Variants in OR1F1 observed in about 807,000 individuals in gnomAD.
OR1F1 encodes the protein olfactory receptor 1F1.
For missense variants in OR1F1, 493 were observed against 376.3 expected (o/e 1.31, Z -2.57); for synonymous variants, 184 against 156.7 (o/e 1.17, Z -1.30).
chr16:3,190,146 A>C, the OR1F1 span, among the ~76,000 whole-genome samples: 1 of 152,128 alleles, frequency 6.6e-6, no homozygotes, highest in Non-Finnish European at 1.5e-5. Context: ...GCACTCGAGC[A>C]GTGGAGATAG....
chr16:3,203,796 C>T (rs183848018), upstream of OR1F1, among the ~76,000 whole-genome samples: 92 of 152,316 alleles, frequency 6.0e-4, no homozygotes, highest in Non-Finnish European at 1.0e-3. Context: ...ATCAGTGGGA[C>T]TTCACTGATA....
chr16:3,193,987 G>T, the OR1F1 span, among the ~76,000 whole-genome samples: 1 of 152,038 alleles, frequency 6.6e-6, no homozygotes. Context: ...TTCCACCTGG[G>T]GTAAGACAAC....
At chr16:3,192,929 GT>G in the OR1F1 span, among the ~76,000 whole-genome samples, 44 of 152,094 alleles carry the variant, frequency 2.9e-4, no homozygotes, top group Non-Finnish European at 5.0e-4. Flanking sequence ...AAAAAAAAGA[GT>G]TTTTAAAAAT....
upstream of OR1F1, among the ~76,000 whole-genome samples, chr16:3,200,563 G>A (rs189617784): frequency 2.0e-5 from 3 of 152,262 alleles, no homozygotes; most frequent in East Asian, 5.8e-4. Flanking sequence ...GCGCCACTGC[G>A]CTCTAGCCTG....
the OR1F1 span, chr16:3,188,431 G>A: frequency 1.3e-5 from 2 of 152,258 alleles, no homozygotes; most frequent in Middle Eastern, 3.2e-3. Context: ...GTCGCTACAG[G>A]GGCATAAATT....
the OR1F1 span, among the ~76,000 whole-genome samples, chr16:3,188,785 G>A: frequency 5.9e-5 from 9 of 152,240 alleles, no homozygotes; most frequent in South Asian, 2.1e-4. Flanking sequence ...GGGAAGGGCA[G>A]AGTGACAGTA....
chr16:3,199,115 C>CAAAAAAAAAA, the OR1F1 span, among the ~76,000 whole-genome samples: 8 of 52,574 alleles, frequency 1.5e-4, no homozygotes, highest in Non-Finnish European at 2.5e-4. Flanking sequence ...CCTGTCTCTA[C>CAAAAAAAAAA]AAAAAAAAAA....
chr16:3,194,884 A>G, the OR1F1 span, among the ~76,000 whole-genome samples: 27 of 152,150 alleles, frequency 1.8e-4, no homozygotes, highest in African/African-American at 6.5e-4. Flanking sequence ...CGGCCTCCCA[A>G]AATGCTGGGA....
At chr16:3,203,485 G>A (rs1200910192), upstream of OR1F1, among the ~76,000 whole-genome samples, 1 of 152,260 alleles carries the variant, frequency 6.6e-6, no homozygotes, top group Admixed American at 6.5e-5. Context: ...CAGATCATTG[G>A]CCAGGTGTGG....
chr16:3,203,618 G>A (rs1048516623), upstream of OR1F1, among the ~76,000 whole-genome samples: 2 of 152,170 alleles, frequency 1.3e-5, no homozygotes, highest in Non-Finnish European at 2.9e-5. Context: ...ACAAAAATTA[G>A]CTGGGCGTGG....
the OR1F1 span, among the ~76,000 whole-genome samples, chr16:3,197,568 A>T: frequency 1.2e-4 from 1 of 8,434 alleles, no homozygotes; most frequent in Admixed American, 1.4e-3. Context: ...TCTGACTACA[A>T]GCTTAAATGT....
At chr16:3,194,095 AC>A in the OR1F1 span, among the ~76,000 whole-genome samples, 2 of 152,204 alleles carry the variant, frequency 1.3e-5, no homozygotes, top group African/African-American at 4.8e-5. Flanking sequence ...ATAAGAAGAA[AC>A]GGCATGAATT....
exon 1 of OR1F1, chr16:3,204,424 T>A: frequency 6.2e-7 from 1 of 1,614,134 alleles, no homozygotes; most frequent in East Asian, 2.2e-5. Context: ...CACCCCCATG[T>A]ACTTCTTCCT....
rs772361370 is a variant in OR1F1, at chr16:3,204,931, C to T, written c.685C>T (p.Pro229Ser). The T allele has an allele frequency of 2.5e-5, 40 of 1,614,034 alleles. No individual in the cohort carries two copies. The highest frequency in any genetic ancestry group is 3.2e-5 in the Non-Finnish European group (38 of 1,180,008). The change falls in exon 1 of 1, where the codon CCA becomes TCA. Residue 229 changes from proline (P) to serine (S), a missense_variant. Transcript: ENST00000304646. Reference sequence around the variant, plus strand: ...CATCACCTGCACTGTCCTGAAGGTCCCATCCACAAAGGGAAGGTGGAAAGC... The same window carrying T: ...CATCACCTGCACTGTCCTGAAGGTCTCATCCACAAAGGGAAGGTGGAAAGC...
chr16:3,198,363 C>A, the OR1F1 span, among the ~76,000 whole-genome samples: 1 of 151,896 alleles, frequency 6.6e-6, no homozygotes, highest in African/African-American at 2.4e-5. Context: ...AGCTGGTGTG[C>A]CATCTGGCTG....
chr16:3,193,794 G>A, the OR1F1 span, among the ~76,000 whole-genome samples: 1 of 152,092 alleles, frequency 6.6e-6, no homozygotes, highest in Non-Finnish European at 1.5e-5. Flanking sequence ...ACGGGGTCTC[G>A]CTATGTTGCT....
At chr16:3,192,345 G>T in the OR1F1 span, among the ~76,000 whole-genome samples, 1 of 152,200 alleles carries the variant, frequency 6.6e-6, no homozygotes, top group Non-Finnish European at 1.5e-5. Context: ...GAGCCACTGC[G>T]CCCGGCCAAC....
chr16:3,197,243 T>C, the OR1F1 span, among the ~76,000 whole-genome samples: 15 of 151,536 alleles, frequency 9.9e-5, no homozygotes, highest in African/African-American at 3.4e-4. Flanking sequence ...GGTCTGAAAC[T>C]CTTGACCTCA....
chr16:3,199,159 T>G, the OR1F1 span, among the ~76,000 whole-genome samples: 1 of 123,944 alleles, frequency 8.1e-6, no homozygotes, highest in Non-Finnish European at 1.7e-5. Context: ...AAAAATTACC[T>G]GAACATAGTG....
Sources: allele counts gnomAD v4.1 joint callset (sites outside exome capture counted in the v4.1 genomes callset), GRCh38; gene constraint gnomAD v4.1.1; transcripts MANE v1.5; gene names NCBI Gene and HGNC (gene_info 2026-07-23, HGNC 2026-07-21).